Variants in DPF1 observed in about 807,000 individuals in gnomAD.
DPF1 encodes zinc finger protein neuro-d4.
DPF1 carries 14 observed loss-of-function variants against 58.7 expected under a neutral mutation model. That is an observed-to-expected ratio of 0.24 (90% confidence interval 0.16 to 0.37). DPF1 has a LOEUF of 0.37. DPF1 is among the 10% of genes least tolerant of loss of function. The pLI, the probability that DPF1 is intolerant of heterozygous loss-of-function variation, is 1.00. For synonymous variants in DPF1, 216 were observed against 216.0 expected (o/e 1.00, Z 0.00); for missense variants, 345 against 529.9 (o/e 0.65, Z 3.43).
upstream of DPF1, chr19:38,224,327 C>G (rs1354200584): frequency 8.9e-6 from 11 of 1,234,176 alleles, no homozygotes; most frequent in Non-Finnish European, 1.1e-5. The surrounding 1 kb of genome is among the most constrained non-coding windows in gnomAD (Gnocchi z 4.5). Flanking sequence ...GGCCAGGGGG[C>G]CCCCGGGACC....
chr19:38,212,715 G>T (rs1397206757), intron 10 of DPF1, among the ~76,000 whole-genome samples: 1 of 150,574 alleles, frequency 6.6e-6, no homozygotes. Flanking sequence ...TGGGGCTCAA[G>T]TGATTCTCCT....
Position 38,211,940 on chromosome 19 carries a change from G to T in DPF1, c.*123C>A. The stretch of plus-strand genomic sequence containing the variant: ...TGCACAGAGGGGAGGGGGTGGCCCA[G>T]CCCCCTCTCGGCTTCCCCCTCTCCC... On this transcript the variant is annotated 3_prime_UTR_variant, in exon 12 of 12. Coordinates refer to ENST00000355526, the MANE Select transcript of DPF1 (RefSeq NM_001135155.3). This position sits in a 1 kb window ranked among gnomAD's most constrained non-coding sequence, Gnocchi z 4.0. The T allele has an allele frequency of 1.8e-6, 2 of 1,120,768 alleles. No homozygotes were observed. The highest frequency in any genetic ancestry group is 1.3e-6 in the Non-Finnish European group (1 of 777,796). The allele number at this position is 1,120,768 out of a possible 1,614,324, so 69.4% of individuals were successfully genotyped here. A position where few individuals can be genotyped will look rare whatever the true frequency, so the allele number is the denominator to read the frequency against.
At chr19:38,216,577 TC>T (rs1967037971) in intron 7 of DPF1, 174 bp from the exon 8 acceptor site, 1 of 669,986 alleles carries the variant, frequency 1.5e-6, no homozygotes, top group African/African-American at 1.9e-5. Flanking sequence ...GACTCCCAAC[TC>T]TGCCTTTTTA....
At chr19:38,213,921 G>A (rs4803871) in intron 9 of DPF1, 165 bp from the exon 10 acceptor site, 102,738 of 590,590 alleles carry the variant, frequency 0.17, 9,624 homozygotes, top group Middle Eastern at 0.29. Context: ...CCACGTGGCC[G>A]GCAGCAGTCC....
At chr19:38,212,237 T>TGGGGGGGGGGGGGGGGGGGG in intron 11 of DPF1, 43 bp downstream of exon 11, 9 of 1,256,744 alleles carry the variant, frequency 7.2e-6, no homozygotes, top group Non-Finnish European at 1.0e-5. Context: ...GGAGATGGCG[T>TGGGGGGGGGGGGGGGGGGGG]TCCCACCCAC....
At chr19:38,212,731 A>G (rs1038639875) in intron 10 of DPF1, among the ~76,000 whole-genome samples, 17 of 148,886 alleles carry the variant, frequency 1.1e-4, no homozygotes, top group Non-Finnish European at 2.2e-4. Flanking sequence ...CTCCTGCCTC[A>G]GTCTCCTGAG....
rs1365655667 is a variant in DPF1 at position 38,213,825 on chromosome 19, G to T, written c.899-69C>A. On this transcript the variant is annotated intron_variant, in intron 9 of 11. Transcript: ENST00000355526. ...CCCTGGTGGGCACTGACCGGCAGGGGAGCCATAGCTCAGCCCCTACCCCTG... is the reference window on the plus strand; with the variant it reads ...CCCTGGTGGGCACTGACCGGCAGGGTAGCCATAGCTCAGCCCCTACCCCTG... 3 of 1,357,532 alleles carry T rather than the reference G, an allele frequency of 2.2e-6. No homozygotes were observed. The South Asian group carries it at 3.7e-5, about 17-fold the overall frequency. The allele number at this position is 1,357,532 out of a possible 1,614,324, so 84.1% of individuals were successfully genotyped here.
rs1967966423 is a variant in DPF1 at position 38,229,627 on chromosome 19, C to T, written c.-200G>A. 2.9e-6 allele frequency: 3 copies of T among 1,018,056 alleles called. No homozygotes were observed. The highest frequency in any genetic ancestry group is 4.5e-5 in the South Asian group (1 of 22,284). 63.1% of individuals were successfully genotyped at this position (1,018,056 alleles called of 1,614,324 possible). On this transcript the variant is annotated 5_prime_UTR_variant, in exon 1 of 12. Transcript: ENST00000412732. The surrounding 1 kb of genome is among the most constrained non-coding windows in gnomAD (Gnocchi z 5.3). Reference sequence around the variant, plus strand: ...CTGGGCCGCCTCCGGCCCGGGGCGCCGCTGCCGCCGCGCGCGGGCCCAGCC... The same window carrying T: ...CTGGGCCGCCTCCGGCCCGGGGCGCTGCTGCCGCCGCGCGCGGGCCCAGCC...
chr19:38,218,606 G>A lies in DPF1; in HGVS notation c.483C>T (p.Asp161=), dbSNP rs776366953. 2.5e-6 allele frequency: 4 copies of A among 1,614,044 alleles called. No homozygotes were observed. The Admixed American group carries it at 5.0e-5, about 20-fold the overall frequency. ...TGGCCCTGTTCTTCCTCCTGGGAAT[G>A]TCATCCTCCAAGTCTTCCACCTCGA... is the stretch of plus-strand genomic sequence containing the variant. ...HDLEVEDLED[D]IPRRKNRAKG... The change falls in exon 5 of 12, where the codon GAC becomes GAT. Residue 161 remains aspartate, a synonymous_variant. Transcript: ENST00000355526.
At position 38,213,773 on chromosome 19, in the gene DPF1, A is replaced by AG. The variant is rs746741773; in HGVS notation, c.899-18dup. The AG allele has an allele frequency of 1.2e-6, 2 of 1,608,296 alleles. No homozygotes were observed. Among genetic ancestry groups the AG allele is most frequent in the Middle Eastern group, 1.7e-4 (1 of 6,028 alleles). On this transcript the variant is annotated splice_polypyrimidine_tract_variant and intron_variant, in intron 9 of 11. Transcript: ENST00000355526. ...AGGGGTGTCCTGGGGGCCAAGGGGC[A>AG]GGGGTGCAGTTAGGAGGTCACCGTG...
At chr19:38,217,148 C>T (rs1405380175) in intron 7 of DPF1, among the ~76,000 whole-genome samples, 1 of 152,156 alleles carries the variant, frequency 6.6e-6, no homozygotes, top group East Asian at 1.9e-4. Flanking sequence ...TGCCCCTTGA[C>T]CAAAGCTTAG....
intron 9 of DPF1, among the ~76,000 whole-genome samples, 197 bp downstream of exon 9, chr19:38,215,943 C>G (rs1966982455): frequency 6.6e-6 from 1 of 152,178 alleles, no homozygotes; most frequent in African/African-American, 2.4e-5. Flanking sequence ...CCCATTATCC[C>G]TAAAGCCTCA....
chr19:38,220,557 C>T lies in DPF1; in HGVS notation c.299-1499G>A, dbSNP rs530600525. Among the ~76,000 whole-genome samples, 255 of 149,904 alleles carry T rather than the reference C, an allele frequency of 1.7e-3. 3 individuals carry two copies. Among genetic ancestry groups the T allele is most frequent in the African/African-American group, 6.0e-3 (246 of 40,876 alleles). On this transcript the variant is annotated intron_variant, in intron 3 of 11. Transcript: ENST00000355526. Reference sequence around the variant, plus strand: ...AATGGCGTGAACCCAGGAGGCGGAGCTTGCAGTGAGATCGCGCCACTGCAC... The same window carrying T: ...AATGGCGTGAACCCAGGAGGCGGAGTTTGCAGTGAGATCGCGCCACTGCAC...
At position 38,211,347 on chromosome 19, in the gene DPF1, G is replaced by GCCCACCCGGC. The variant is rs1340759621; in HGVS notation, c.*706_*715dup. On this transcript the variant is annotated 3_prime_UTR_variant, in exon 12 of 12. Coordinates refer to ENST00000355526, the MANE Select transcript of DPF1 (RefSeq NM_001135155.3). This position sits in a 1 kb window ranked among gnomAD's most constrained non-coding sequence, Gnocchi z 4.0. ...TCATTCCAGCAGGCGCTGGGCGGGG[G>GCCCACCCGGC]CCCACCCGGCCCCACCACCGCCACC... is the stretch of plus-strand genomic sequence containing the variant. The GCCCACCCGGC allele has an allele frequency of 1.3e-5, 2 of 152,344 alleles. No individual in the cohort carries two copies. Among genetic ancestry groups the GCCCACCCGGC allele is most frequent in the East Asian group, 1.9e-4 (1 of 5,174 alleles). The allele number at this position is 152,344 out of a possible 1,614,324, so 9.4% of individuals were successfully genotyped here.
chr19:38,215,345 T>C (rs938048746), intron 9 of DPF1, among the ~76,000 whole-genome samples: 3 of 151,944 alleles, frequency 2.0e-5, no homozygotes, highest in East Asian at 4.0e-4. Context: ...TATTAAAAAT[T>C]AGCCAGGCAT....
At position 38,216,266 on chromosome 19, in the gene DPF1, G is replaced by A. The variant is rs1258513444; in HGVS notation, c.779-7C>T. On this transcript the variant is annotated splice_polypyrimidine_tract_variant and splice_region_variant and intron_variant, in intron 8 of 11. Coordinates refer to ENST00000355526, the MANE Select transcript of DPF1 (RefSeq NM_001135155.3). ...CCGTCGGGCGCCTTCTTGGCTGCAA[G>A]ACAGCAGACAGGCATTGGCACGGGG... 1.2e-6 allele frequency: 2 copies of A among 1,613,918 alleles called. No individual in the cohort carries two copies. Among genetic ancestry groups the A allele is most frequent in the Non-Finnish European group, 1.7e-6 (2 of 1,179,894 alleles).
chr19:38,214,831 C>CTTTT (rs36047300), intron 9 of DPF1, among the ~76,000 whole-genome samples: 6 of 89,396 alleles, frequency 6.7e-5, no homozygotes, highest in Non-Finnish European at 1.1e-4. Context: ...TATGCCCAGC[C>CTTTT]TTTTTTTTTT....
intron 5 of DPF1, among the ~76,000 whole-genome samples, chr19:38,218,158 C>T (rs1171329434): frequency 6.6e-6 from 1 of 151,978 alleles, no homozygotes; most frequent in Non-Finnish European, 1.5e-5. Context: ...GCAGATATTG[C>T]GCCACTGCAC....
At position 38,222,436 on chromosome 19, in the gene DPF1, G is replaced by A. The variant is rs1209817446; in HGVS notation, c.219C>T (p.Tyr73=). Residue 73 remains tyrosine, a synonymous_variant, in exon 3 of 12, where the codon TAC becomes TAT. Transcript: ENST00000355526. This position sits in a 1 kb window ranked among gnomAD's most constrained non-coding sequence, Gnocchi z 4.9. ...GTTTCTTCCTCCAACAGCGGGCGGG[G>A]TACGTGTAAATCTGTCCCGGGGCCA... ...PGLAPGQIYT[Y]PARCWRKKRR... 6.3e-7 allele frequency: 1 copy of A among 1,586,872 alleles called. No individual in the cohort carries two copies. Among genetic ancestry groups the A allele is most frequent in the African/African-American group, 1.4e-5 (1 of 71,920 alleles).
Sources: gnomAD v4.1 joint callset for allele counts (sites outside exome capture counted in the v4.1 genomes callset) on GRCh38, gnomAD v4.1.1 for gene constraint, Gnocchi (gnomAD v3.1) non-coding constraint, MANE v1.5 for transcripts, NCBI Gene and HGNC (gene_info 2026-07-23, HGNC 2026-07-21) for gene names.